CDC14A: variants seen among roughly 807,000 people sequenced by gnomAD.
CDC14A encodes cell division cycle 14A, also known as dual specificity protein phosphatase CDC14A.
A neutral mutation model predicts 74.4 loss-of-function variants in CDC14A; 53 were observed. That is an observed-to-expected ratio of 0.71 (90% CI 0.57 to 0.89). The LOEUF is 0.89. Among genes scored for constraint, CDC14A ranks in the 40% least tolerant of loss-of-function variants. The pLI is 0.00. For missense variants in CDC14A, 646 were observed against 713.7 expected (o/e 0.91, Z 1.08); for synonymous variants, 247 against 258.4 (o/e 0.96, Z 0.43).
intron 2 of CDC14A, among the ~76,000 whole-genome samples, 175 bp downstream of exon 2, chr1:100,354,027 T>G (rs1651528818): frequency 6.6e-6 from 1 of 152,194 alleles, no homozygotes. Context: ...TTGACAGAAT[T>G]TGAACCTTTC....
At chr1:100,446,998 C>G (rs899632164) in intron 7 of CDC14A, among the ~76,000 whole-genome samples, 1 of 152,190 alleles carries the variant, frequency 6.6e-6, no homozygotes, top group Non-Finnish European at 1.5e-5. Context: ...TACGCCTGGC[C>G]TCCAGTGTGC....
chr1:100,510,244 C>T (rs779375893), intron 15 of CDC14A, among the ~76,000 whole-genome samples: 1 of 152,188 alleles, frequency 6.6e-6, no homozygotes, highest in Non-Finnish European at 1.5e-5. Context: ...TTCTTGAATA[C>T]CTTCTATGTG....
chr1:100,404,582 G>A (rs1027653368), intron 4 of CDC14A, among the ~76,000 whole-genome samples: 1 of 152,208 alleles, frequency 6.6e-6, no homozygotes, highest in Non-Finnish European at 1.5e-5. Flanking sequence ...TGTAATCCCA[G>A]CACTTTGGGA....
chr1:100,442,992 A>T lies in CDC14A; in HGVS notation c.515A>T (p.Tyr172Phe). 1 of 1,584,718 alleles carries T rather than the reference A, an allele frequency of 6.3e-7. No homozygotes were observed. The highest frequency in any genetic ancestry group is 8.7e-7 in the Non-Finnish European group (1 of 1,154,548). The change falls in exon 7 of 16, where the codon TAT (tyrosine) becomes TTT (phenylalanine). Residue 172 changes from tyrosine (Y) to phenylalanine (F), a missense_variant. Physicochemically the swap from Tyr to Phe is conservative, Grantham distance 22. Coordinates refer to ENST00000336454, the MANE Select transcript of CDC14A (RefSeq NM_003672.4). ...TTTGATGTGGATGAATATGAACATT[A>T]TGAGGTTTGTACATTTAATTTTTTT... ...ETFDVDEYEH[Y>F]ERVENGDFNW...
intron 10 of CDC14A, among the ~76,000 whole-genome samples, chr1:100,473,558 T>C (rs617403): frequency 0.85 from 129,084 of 151,750 alleles, 58,411 homozygotes; most frequent in Non-Finnish European, 1. Context: ...GGCTAATTTT[T>C]TGTATTTTTA....
At chr1:100,418,815 T>C (rs575378184) in intron 4 of CDC14A, among the ~76,000 whole-genome samples, 3 of 152,310 alleles carry the variant, frequency 2.0e-5, no homozygotes, top group Admixed American at 6.5e-5. Flanking sequence ...TATGAAAAGA[T>C]GTTTGTATCC....
intron 10 of CDC14A, among the ~76,000 whole-genome samples, chr1:100,476,402 T>G (rs1397514115): frequency 6.6e-6 from 1 of 152,134 alleles, no homozygotes; most frequent in African/African-American, 2.4e-5. Flanking sequence ...GAGCCGAGAT[T>G]GTGCCATTGC....
intron 3 of CDC14A, among the ~76,000 whole-genome samples, chr1:100,388,424 C>A (rs78245516): frequency 6.6e-6 from 1 of 152,170 alleles, no homozygotes; most frequent in African/African-American, 2.4e-5. Context: ...GTGTCAGCAC[C>A]ATTGGTTGTA....
At chr1:100,415,149 C>T (rs1422640307) in intron 4 of CDC14A, among the ~76,000 whole-genome samples, 2 of 152,178 alleles carry the variant, frequency 1.3e-5, no homozygotes, top group African/African-American at 4.8e-5. Context: ...GGAAGACACA[C>T]ATGGCTAATA....
intron 8 of CDC14A, among the ~76,000 whole-genome samples, chr1:100,460,985 A>G (rs901254343): frequency 1.3e-5 from 2 of 152,234 alleles, no homozygotes; most frequent in African/African-American, 4.8e-5. Context: ...CAAGTGGGAA[A>G]ATGGGAACCA....
intron 4 of CDC14A, among the ~76,000 whole-genome samples, chr1:100,402,236 G>A (rs1659361542): frequency 6.6e-6 from 1 of 151,994 alleles, no homozygotes; most frequent in South Asian, 2.1e-4. Flanking sequence ...TGATATGAGA[G>A]CATGTTCTGT....
intron 2 of CDC14A, among the ~76,000 whole-genome samples, chr1:100,366,585 A>AAAG (rs1461931240): frequency 2.6e-5 from 4 of 152,186 alleles, no homozygotes; most frequent in African/African-American, 4.8e-5. Context: ...TCAAATTTGT[A>AAAG]GGACCTGCAC....
chr1:100,466,708 T>C (rs1331327995), intron 9 of CDC14A, among the ~76,000 whole-genome samples: 1 of 151,956 alleles, frequency 6.6e-6, no homozygotes, highest in Non-Finnish European at 1.5e-5. Context: ...CTGTCTCTAC[T>C]AAAAATACAA....
At chr1:100,373,889 G>C (rs960163643) in intron 2 of CDC14A, among the ~76,000 whole-genome samples, 1 of 151,918 alleles carries the variant, frequency 6.6e-6, no homozygotes. Context: ...GTGCCATGCT[G>C]GTGTGCTGCA....
At chr1:100,411,517 G>A (rs1052953502) in intron 4 of CDC14A, among the ~76,000 whole-genome samples, 3 of 152,076 alleles carry the variant, frequency 2.0e-5, no homozygotes, top group East Asian at 3.9e-4. Flanking sequence ...TTTTGGGTGT[G>A]TGTAACAGAA....
chr1:100,494,962 T>G (rs2101420902), intron 12 of CDC14A, 32 bp downstream of exon 12: 2 of 1,112,120 alleles, frequency 1.8e-6, no homozygotes, highest in East Asian at 4.7e-5. Context: ...CAATTTATAG[T>G]GTGCTTCCCT....
At chr1:100,499,545 CT>C in intron 15 of CDC14A, 1 of 953,906 alleles carries the variant, frequency 1.0e-6, no homozygotes, top group Non-Finnish European at 1.5e-6. Flanking sequence ...AGCTTTCATT[CT>C]TTTGATTATG....
At chr1:100,350,835 C>A (rs1015052823), upstream of CDC14A, among the ~76,000 whole-genome samples, 1 of 152,152 alleles carries the variant, frequency 6.6e-6, no homozygotes, top group South Asian at 2.1e-4. Context: ...GCAAGTTTAT[C>A]GAGAGATTCA....
chr1:100,467,846 T>C (rs1326576569), intron 9 of CDC14A, 110 bp from the exon 10 acceptor site: 13 of 1,058,228 alleles, frequency 1.2e-5, no homozygotes, highest in Non-Finnish European at 1.6e-5. Flanking sequence ...CTGTTGATAA[T>C]ATCATCACAC....
Sources: allele counts gnomAD v4.1 joint callset (sites outside exome capture counted in the v4.1 genomes callset), GRCh38; gene constraint gnomAD v4.1.1; transcripts MANE v1.5; gene names NCBI Gene and HGNC (gene_info 2026-07-23, HGNC 2026-07-21).